FREM1: variants seen among roughly 807,000 people sequenced by gnomAD.
FREM1 encodes FRAS1 related extracellular matrix 1.
A neutral mutation model predicts 210.1 loss-of-function variants in FREM1; 220 were observed. That is an observed-to-expected ratio of 1.05 (90% CI 0.94 to 1.17). The LOEUF (loss-of-function observed/expected upper bound fraction) is 1.17, where lower values mean the gene tolerates loss of function less well. Ranked by LOEUF, FREM1 falls within the 50% of genes most tolerant of loss-of-function variation. The pLI, the probability that FREM1 is intolerant of heterozygous loss-of-function variation, is 0.00. For missense variants in FREM1, 3,454 were observed against 2,675.5 expected, an observed-to-expected ratio of 1.29 and a Z score of -6.42; for synonymous variants, 1,189 against 980.2, an observed-to-expected ratio of 1.21 and a Z score of -3.98.
chr9:14,885,080 G>A (rs547668211), intron 1 of FREM1, among the ~76,000 whole-genome samples: 9,739 of 119,946 alleles, frequency 0.081, 1,949 homozygotes, highest in African/African-American at 0.29. Flanking sequence ...GCCCGCCACC[G>A]CGCCCGGCTA....
At chr9:14,835,121 TTAAC>T (rs1325121917) in intron 10 of FREM1, among the ~76,000 whole-genome samples, 1 of 152,216 alleles carries the variant, frequency 6.6e-6, no homozygotes, top group Non-Finnish European at 1.5e-5. Flanking sequence ...AAAACAAAAT[TTAAC>T]TAAGTGGACT....
chr9:14,830,328 T>C (rs1823311833), intron 10 of FREM1, among the ~76,000 whole-genome samples: 1 of 152,170 alleles, frequency 6.6e-6, no homozygotes, highest in Non-Finnish European at 1.5e-5. Flanking sequence ...TATAAGTCTG[T>C]AGCCATAAGC....
intron 1 of FREM1, 30 bp from the exon 2 acceptor site, chr9:14,869,274 G>A: frequency 3.2e-6 from 1 of 315,056 alleles, no homozygotes; most frequent in Non-Finnish European, 5.9e-6. Flanking sequence ...TTGGAGTAAA[G>A]CGAGAGAGAG....
Position 14,747,651 on chromosome 9 carries a change from G to C in FREM1, c.5844+30C>G, listed in dbSNP as rs140829838. 938 of 1,354,176 alleles carry C rather than the reference G, an allele frequency of 6.9e-4. 2 individuals carry two copies. The African/African-American group carries it at 0.012, about 18-fold the overall frequency. The allele number at this position is 1,354,176 out of a possible 1,614,324, so 83.9% of individuals were successfully genotyped here. A position where few individuals can be genotyped will look rare whatever the true frequency, so the allele number is the denominator to read the frequency against. On this transcript the variant is annotated intron_variant, in intron 32 of 36. Coordinates refer to ENST00000380880, the MANE Select transcript of FREM1 (RefSeq NM_001379081.2). ...TAAATACTTGCATCCATAAATATAA[G>C]AAATTTAGCAATTCTGTGACTACAC... is the stretch of plus-strand genomic sequence containing the variant.
In FREM1 at chr9:14,801,828, G is replaced by A; in HGVS notation, c.3518C>T (p.Ala1173Val). ...MKELDSSIISAVDLDIPQDAL... is the reference protein window; with the variant it reads ...MKELDSSIISVVDLDIPQDAL... The stretch of plus-strand genomic sequence containing the variant: ...ATCCTGGGGAATGTCCAGGTCCACA[G>A]CGCTGATGATGGAAGAGTCCAGCTC... The change falls in exon 20 of 37, where the codon GCT becomes GTT. Residue 1173 changes from alanine to valine, a missense_variant. Physicochemically the swap from Ala to Val is moderately conservative, Grantham distance 64 (BLOSUM62 0). Transcript: ENST00000380880. 1 of 1,613,962 alleles carries A rather than the reference G, an allele frequency of 6.2e-7. No individual in the cohort carries two copies. The highest frequency in any genetic ancestry group is 8.5e-7 in the Non-Finnish European group (1 of 1,179,870).
chr9:14,893,804 T>C (rs994284796), intron 1 of FREM1, among the ~76,000 whole-genome samples: 10 of 148,464 alleles, frequency 6.7e-5, no homozygotes, highest in Non-Finnish European at 1.0e-4. Flanking sequence ...TTAAGTTAGA[T>C]AGGATAAAGC....
chr9:14,866,620 T>G (rs1284429678), intron 2 of FREM1, among the ~76,000 whole-genome samples: 1 of 152,228 alleles, frequency 6.6e-6, no homozygotes, highest in African/African-American at 2.4e-5. Context: ...TCCTGCGAGC[T>G]ACCAGTGGGA....
intron 16 of FREM1, among the ~76,000 whole-genome samples, chr9:14,811,539 C>G (rs527401189): frequency 1.4e-4 from 21 of 152,198 alleles, no homozygotes; most frequent in African/African-American, 5.1e-4. Flanking sequence ...ATACGAACTA[C>G]GCTCCTCAGG....
Position 14,878,465 on chromosome 9 carries a change from C to A in FREM1, c.-267-9221G>T, listed in dbSNP as rs769664520. 3.7e-4 allele frequency among the ~76,000 whole-genome samples: 57 copies of A among 152,182 alleles called. 1 individual carries two copies. Among genetic ancestry groups the A allele is most frequent in the Non-Finnish European group, 1.3e-4 (9 of 68,030 alleles). The stretch of plus-strand genomic sequence containing the variant: ...CTTGCAGTGTGGTCACACCTAACAA[C>A]CCCATTAGAATTATGTCAGTCTCAT... On this transcript the variant is annotated intron_variant, in intron 1 of 36. Coordinates refer to ENST00000380880, the MANE Select transcript of FREM1 (RefSeq NM_001379081.2).
chr9:14,902,221 C>G (rs1397083389), intron 1 of FREM1, among the ~76,000 whole-genome samples: 2 of 152,192 alleles, frequency 1.3e-5, no homozygotes, highest in African/African-American at 4.8e-5. Context: ...AATGCCAGAT[C>G]TCTCTGGCCA....
chr9:14,784,344 G>T, intron 24 of FREM1, 26 bp downstream of exon 24: 2 of 1,602,754 alleles, frequency 1.2e-6, no homozygotes, highest in Non-Finnish European at 1.7e-6. Context: ...CAAAGAAGGG[G>T]TTTGAAAAGT....
intron 24 of FREM1, 76 bp downstream of exon 24, chr9:14,784,294 G>C: frequency 7.4e-7 from 1 of 1,354,504 alleles, no homozygotes; most frequent in Non-Finnish European, 1.0e-6. Context: ...TTACTATAGT[G>C]AAGCACATTA....
At chr9:14,738,084 G>T (rs1012345037) in intron 36 of FREM1, among the ~76,000 whole-genome samples, 20 of 152,052 alleles carry the variant, frequency 1.3e-4, no homozygotes, top group African/African-American at 4.8e-4. Flanking sequence ...AGCTTACTAT[G>T]TATTATTTTG....
At chr9:14,907,916 T>A (rs1818059335) in intron 1 of FREM1, among the ~76,000 whole-genome samples, 1 of 152,200 alleles carries the variant, frequency 6.6e-6, no homozygotes, top group African/African-American at 2.4e-5. Flanking sequence ...GTTAGATGGC[T>A]CTTCCAAGGC....
intron 25 of FREM1, 48 bp from the exon 26 acceptor site, chr9:14,770,854 C>T: frequency 7.1e-7 from 1 of 1,399,212 alleles, no homozygotes; most frequent in South Asian, 1.2e-5. Context: ...GCCCCTCACC[C>T]CCATGCAACG....
intron 14 of FREM1, among the ~76,000 whole-genome samples, chr9:14,818,185 T>C (rs954800717): frequency 1.3e-5 from 2 of 152,262 alleles, no homozygotes; most frequent in Admixed American, 6.5e-5. Context: ...CTTGAACAGA[T>C]AGTTCTAGCA....
intron 15 of FREM1, among the ~76,000 whole-genome samples, chr9:14,815,349 C>G (rs1178167972): frequency 6.6e-6 from 1 of 152,140 alleles, no homozygotes; most frequent in Non-Finnish European, 1.5e-5. Context: ...TCCTTCACTG[C>G]TTCTTAAAAT....
At chr9:14,851,785 G>C (rs200548918) in intron 5 of FREM1, among the ~76,000 whole-genome samples, 178 bp from the exon 6 acceptor site, 1 of 152,136 alleles carries the variant, frequency 6.6e-6, no homozygotes, top group African/African-American at 2.4e-5. Flanking sequence ...CCTAGGATCT[G>C]TCTCCAGAGG....
chr9:14,899,559 G>T (rs78037850), intron 1 of FREM1, among the ~76,000 whole-genome samples: 1 of 152,154 alleles, frequency 6.6e-6, no homozygotes, highest in African/African-American at 2.4e-5. Flanking sequence ...GGAGGATACA[G>T]CAATGTAGAA....
Sources: allele counts gnomAD v4.1 joint callset (sites outside exome capture counted in the v4.1 genomes callset), GRCh38; gene constraint gnomAD v4.1.1; transcripts MANE v1.5; gene names NCBI Gene and HGNC (gene_info 2026-07-23, HGNC 2026-07-21).